Variants in ZNF385D observed in about 807,000 individuals in gnomAD.
ZNF385D encodes the protein zinc finger protein 385D.
In ZNF385D, 15 loss-of-function variants were observed where a neutral mutation model predicts 35.8. The observed-to-expected ratio is 0.42, with a 90% CI of 0.28 to 0.64. The LOEUF (loss-of-function observed/expected upper bound fraction) is 0.64, where lower values mean the gene tolerates loss of function less well. Among genes scored for constraint, ZNF385D ranks in the 30% least tolerant of loss-of-function variants. The pLI is 0.23. For missense variants in ZNF385D, 474 were observed against 494.6 expected, an observed-to-expected ratio of 0.96 and a Z score of 0.39; for synonymous variants, 212 against 186.8, an observed-to-expected ratio of 1.13 and a Z score of -1.10.
At chr3:22,062,706 A>G (rs1401288848) in intron 3 of ZNF385D, among the ~76,000 whole-genome samples, 1 of 152,180 alleles carries the variant, frequency 6.6e-6, no homozygotes, top group Non-Finnish European at 1.5e-5. Flanking sequence ...AGAGTGTAGT[A>G]GAATTAACAA....
intron 3 of ZNF385D, among the ~76,000 whole-genome samples, chr3:21,769,243 G>C (rs1222616679): frequency 1.3e-5 from 2 of 151,170 alleles, no homozygotes; most frequent in African/African-American, 2.4e-5. Context: ...GGGCAATCAG[G>C]CAGGAGAAAG....
chr3:21,619,413 C>CGT (rs10594035), intron 2 of ZNF385D, among the ~76,000 whole-genome samples: 4,622 of 147,804 alleles, frequency 0.031, 122 homozygotes, highest in Admixed American at 0.071. Flanking sequence ...CGTGTGTGTG[C>CGT]GTGTGTGTGT....
At chr3:22,007,046 T>A (rs1696254053) in intron 3 of ZNF385D, among the ~76,000 whole-genome samples, 1 of 152,142 alleles carries the variant, frequency 6.6e-6, no homozygotes, top group Admixed American at 6.5e-5. Flanking sequence ...TATCAGTTTT[T>A]CAAAACTCTC....
intron 3 of ZNF385D, among the ~76,000 whole-genome samples, chr3:22,027,601 T>C (rs1348145573): frequency 6.6e-6 from 1 of 152,180 alleles, no homozygotes; most frequent in East Asian, 1.9e-4. Context: ...CTATGGCTCA[T>C]CAAATCACCA....
intron 2 of ZNF385D, among the ~76,000 whole-genome samples, chr3:22,193,623 CTT>C (rs889109895): frequency 1.3e-5 from 2 of 151,858 alleles, no homozygotes; most frequent in African/African-American, 4.8e-5. Context: ...CCACTGAACT[CTT>C]TTATCATAAA....
chr3:21,856,405 C>G (rs2125820801), intron 3 of ZNF385D, among the ~76,000 whole-genome samples: 1 of 152,144 alleles, frequency 6.6e-6, no homozygotes, highest in Non-Finnish European at 1.5e-5. Context: ...TGAACCCCTT[C>G]TCTCAACTTC....
chr3:21,671,909 G>A (rs73037276), intron 1 of ZNF385D, among the ~76,000 whole-genome samples: 16,263 of 152,174 alleles, frequency 0.11, 979 homozygotes, highest in East Asian at 0.19. Flanking sequence ...AAAGATATGA[G>A]TATCATATCA....
chr3:21,942,844 T>C (rs1174330056), intron 3 of ZNF385D, among the ~76,000 whole-genome samples: 1 of 152,198 alleles, frequency 6.6e-6, no homozygotes, highest in African/African-American at 2.4e-5. Context: ...ATATAATATA[T>C]GCTGTTCTGT....
intron 3 of ZNF385D, among the ~76,000 whole-genome samples, chr3:22,001,215 T>C (rs1695823481): frequency 6.6e-6 from 1 of 152,136 alleles, no homozygotes; most frequent in Non-Finnish European, 1.5e-5. Context: ...GAAAGGATTT[T>C]TTTTAAGCAA....
chr3:21,506,315 A>C (rs961610991), intron 4 of ZNF385D, among the ~76,000 whole-genome samples: 2 of 152,200 alleles, frequency 1.3e-5, no homozygotes, highest in African/African-American at 4.8e-5. Context: ...AATTAAGATG[A>C]AAGAAAAACC....
intron 4 of ZNF385D, among the ~76,000 whole-genome samples, chr3:21,462,191 T>C (rs187729116): frequency 6.6e-6 from 1 of 152,314 alleles, no homozygotes; most frequent in East Asian, 1.9e-4. Flanking sequence ...CTACCTTTTC[T>C]AATTTTAATC....
At chr3:21,704,962 T>A (rs942087525) in intron 1 of ZNF385D, among the ~76,000 whole-genome samples, 1 of 152,178 alleles carries the variant, frequency 6.6e-6, no homozygotes, top group South Asian at 2.1e-4. Context: ...TCATATGGCT[T>A]GGTGGTAACC....
chr3:21,762,838 T>A (rs7613563), intron 3 of ZNF385D, among the ~76,000 whole-genome samples: 1 of 152,122 alleles, frequency 6.6e-6, no homozygotes, highest in South Asian at 2.1e-4. Flanking sequence ...TTGGACCAAC[T>A]TGGGGCACCT....
At chr3:21,911,553 A>T (rs1699964192) in intron 3 of ZNF385D, among the ~76,000 whole-genome samples, 1 of 152,018 alleles carries the variant, frequency 6.6e-6, no homozygotes, top group Admixed American at 6.6e-5. Flanking sequence ...TTGTTTTGAG[A>T]ATCAAATTAT....
chr3:21,533,183 T>A (rs960452882), intron 3 of ZNF385D, among the ~76,000 whole-genome samples: 1 of 152,056 alleles, frequency 6.6e-6, no homozygotes, highest in African/African-American at 2.4e-5. Context: ...AGGCTGCAGC[T>A]CTAAATCTTC....
rs1367267898 is a variant in ZNF385D at position 21,724,497 on chromosome 3, A to ACCCC, written c.22+26397_22+26398insGGGG. Among the ~76,000 whole-genome samples, 573 of 98,438 alleles carry ACCCC rather than the reference A, an allele frequency of 5.8e-3. 5 individuals are homozygous for ACCCC. Among genetic ancestry groups the ACCCC allele is most frequent in the Non-Finnish European group, 0.011 (468 of 42,138 alleles). The allele number at this position is 98,438 out of a possible 152,430, so 64.6% of individuals were successfully genotyped here. A position where few individuals can be genotyped will look rare whatever the true frequency, so the allele number is the denominator to read the frequency against. ...AAAGCCAAAAAAAAAAAAAAAAAAA[A>ACCCC]AAAAAAAAAAAAAAAAAAAAAGCAG... On this transcript the variant is annotated intron_variant, in intron 1 of 7. Transcript: ENST00000281523.
intron 2 of ZNF385D, among the ~76,000 whole-genome samples, chr3:21,635,037 G>C (rs569979490): frequency 1.1e-4 from 17 of 152,174 alleles, no homozygotes; most frequent in South Asian, 6.2e-4. Flanking sequence ...AAAAATCAAA[G>C]TGGGTCTTTA....
intron 3 of ZNF385D, among the ~76,000 whole-genome samples, chr3:21,881,358 C>A (rs556063689): frequency 6.6e-6 from 1 of 152,052 alleles, no homozygotes; most frequent in Admixed American, 6.6e-5. Flanking sequence ...ACATCCTATG[C>A]CCTTAAGAAT....
chr3:22,093,933 C>A (rs1166920084), intron 3 of ZNF385D, among the ~76,000 whole-genome samples: 1 of 152,112 alleles, frequency 6.6e-6, no homozygotes, highest in Non-Finnish European at 1.5e-5. Context: ...ACATTACTAG[C>A]ACTCCAAACA....
Sources: allele counts gnomAD v4.1 joint callset (sites outside exome capture counted in the v4.1 genomes callset), GRCh38; gene constraint gnomAD v4.1.1; transcripts MANE v1.5; gene names NCBI Gene and HGNC (gene_info 2026-07-23, HGNC 2026-07-21).